Variants in ALG8 observed in about 807,000 individuals in gnomAD.
ALG8 encodes the protein dolichyl pyrophosphate Glc1Man9GlcNAc2 alpha-1,3-glucosyltransferase.
ALG8 carries 48 observed loss-of-function variants against 70.2 expected under a neutral mutation model. That is an observed-to-expected ratio of 0.68 (90% CI 0.54 to 0.87). ALG8 has a LOEUF of 0.87. Among genes scored for constraint, ALG8 ranks in the 40% least tolerant of loss-of-function variants. ALG8 has a pLI of 0.00. For synonymous variants in ALG8, 234 were observed against 229.0 expected (o/e 1.02, Z -0.20); for missense variants, 572 against 608.7 (o/e 0.94, Z 0.64).
chr11:78,103,832 G>C (rs992237882), intron 12 of ALG8, 148 bp downstream of exon 12: 5 of 520,150 alleles, frequency 9.6e-6, no homozygotes, highest in Non-Finnish European at 1.7e-5. Flanking sequence ...ATGGGATTGA[G>C]TGATTTCTCC....
intron 6 of ALG8, 59 bp from the exon 7 acceptor site, chr11:78,114,048 C>G (rs1346928366): frequency 1.8e-5 from 26 of 1,474,416 alleles, no homozygotes; most frequent in Non-Finnish European, 2.4e-5. Flanking sequence ...TAACCATAAC[C>G]TATATCATGT....
intron 1 of ALG8, among the ~76,000 whole-genome samples, chr11:78,132,859 T>C (rs1020126610): frequency 1.2e-4 from 16 of 135,514 alleles, no homozygotes; most frequent in African/African-American, 4.5e-4. Context: ...TTTTTTTAGA[T>C]GGAGTCTCAC....
At chr11:78,131,991 G>A (rs745822528) in intron 1 of ALG8, among the ~76,000 whole-genome samples, 2 of 152,098 alleles carry the variant, frequency 1.3e-5, no homozygotes, top group African/African-American at 4.8e-5. Flanking sequence ...AGATATTTTT[G>A]GATCTCGCTT....
chr11:78,132,981 C>T (rs1194049250), intron 1 of ALG8, among the ~76,000 whole-genome samples: 8 of 151,950 alleles, frequency 5.3e-5, no homozygotes, highest in South Asian at 2.1e-4. Flanking sequence ...GGACTACACG[C>T]GCCCACCACC....
intron 8 of ALG8, among the ~76,000 whole-genome samples, chr11:78,110,258 C>T (rs1246196621): frequency 6.6e-6 from 1 of 152,144 alleles, no homozygotes; most frequent in Admixed American, 6.5e-5. Context: ...AATCTCAGCT[C>T]ACTGCAGCCT....
At chr11:78,134,569 C>G (rs11237406) in intron 1 of ALG8, among the ~76,000 whole-genome samples, 1 of 152,202 alleles carries the variant, frequency 6.6e-6, no homozygotes, top group Non-Finnish European at 1.5e-5. Context: ...ACTTTCAAAA[C>G]TAGAGTCAAT....
intron 1 of ALG8, among the ~76,000 whole-genome samples, chr11:78,138,011 C>A (rs569708728): frequency 1.3e-5 from 2 of 152,044 alleles, no homozygotes; most frequent in Admixed American, 6.6e-5. Context: ...CCAAAGTGAG[C>A]GCTATATACA....
chr11:78,109,405 A>G (rs186150624), intron 9 of ALG8, 37 bp downstream of exon 9: 1 of 1,613,736 alleles, frequency 6.2e-7, no homozygotes, highest in Non-Finnish European at 8.5e-7. Flanking sequence ...AAAGCAGAGA[A>G]AACTCAAGAA....
intron 1 of ALG8, among the ~76,000 whole-genome samples, chr11:78,132,437 AT>A (rs1412373687): frequency 6.6e-6 from 1 of 152,294 alleles, no homozygotes; most frequent in East Asian, 1.9e-4. Context: ...GCCAAAAAAT[AT>A]TTTATAAATG....
intron 5 of ALG8, among the ~76,000 whole-genome samples, chr11:78,117,274 G>C (rs914250720): frequency 1.3e-5 from 2 of 152,134 alleles, no homozygotes; most frequent in Non-Finnish European, 2.9e-5. Flanking sequence ...ATTCCTTAGA[G>C]AGTCTTAAGC....
chr11:78,135,869 A>AAAAG lies in ALG8; in HGVS notation c.95+3624_95+3625insCTTT, dbSNP rs201285131. On this transcript the variant is annotated intron_variant, in intron 1 of 12. Coordinates refer to ENST00000299626, the MANE Select transcript of ALG8 (RefSeq NM_024079.5). Reference sequence around the variant, plus strand: ...TCTCAAACATAAATAAATAAGAAAAAAAAAAAAGAAAAATAATGGGTGGGT... The same window carrying AAAAG: ...TCTCAAACATAAATAAATAAGAAAAAAAAGAAAAAAAGAAAAATAATGGGTGGGT... Among the ~76,000 whole-genome samples, 1,024 of 150,908 alleles carry AAAAG rather than the reference A, an allele frequency of 6.8e-3. 14 individuals are homozygous for AAAAG. The highest frequency in any genetic ancestry group is 0.024 in the African/African-American group (989 of 41,042).
chr11:78,132,650 T>C (rs1450099023), intron 1 of ALG8, among the ~76,000 whole-genome samples: 1 of 151,196 alleles, frequency 6.6e-6, no homozygotes, highest in African/African-American at 2.4e-5. Flanking sequence ...CCTATATTTA[T>C]ACAGTGTGCT....
intron 5 of ALG8, among the ~76,000 whole-genome samples, chr11:78,115,458 C>T (rs1424646708): frequency 6.6e-6 from 1 of 151,974 alleles, no homozygotes; most frequent in Non-Finnish European, 1.5e-5. Flanking sequence ...GTCTCGTTTA[C>T]TGCAACCTCC....
In ALG8 at chr11:78,104,081, A is replaced by G; in HGVS notation, c.1277-29T>C. 7.4e-7 allele frequency: 1 copy of G among 1,346,634 alleles called. No individual in the cohort carries two copies. The highest frequency in any genetic ancestry group is 1.1e-6 in the Non-Finnish European group (1 of 945,042). 83.4% of individuals were successfully genotyped at this position (1,346,634 alleles called of 1,614,324 possible). A position where few individuals can be genotyped will look rare whatever the true frequency, so the allele number is the denominator to read the frequency against. On this transcript the variant is annotated intron_variant, in intron 11 of 12. Transcript: ENST00000299626. ...TTAAAAGAATAGAAAAAAAAAGATAATTTAGCTGATGACAGAAAGACTTAT... is the reference window on the plus strand; with the variant it reads ...TTAAAAGAATAGAAAAAAAAAGATAGTTTAGCTGATGACAGAAAGACTTAT...
At chr11:78,103,858 T>A (rs1220361790) in intron 12 of ALG8, 122 bp downstream of exon 12, 2 of 561,590 alleles carry the variant, frequency 3.6e-6, no homozygotes, top group Admixed American at 3.4e-5. Flanking sequence ...TTTACCAATT[T>A]TTTTTGTAAT....
chr11:78,137,992 C>G (rs1337784557), intron 1 of ALG8, among the ~76,000 whole-genome samples: 1 of 152,160 alleles, frequency 6.6e-6, no homozygotes. Flanking sequence ...TATTCCTGTA[C>G]ATGTGCTGCC....
chr11:78,114,129 G>C, intron 6 of ALG8, 137 bp downstream of exon 6: 1 of 1,413,370 alleles, frequency 7.1e-7, no homozygotes, highest in Non-Finnish European at 9.8e-7. Context: ...AGAAAAGCGA[G>C]AATGGGTAAA....
chr11:78,113,611 G>A (rs1429085539), intron 7 of ALG8, among the ~76,000 whole-genome samples: 2 of 151,632 alleles, frequency 1.3e-5, no homozygotes, highest in Admixed American at 6.6e-5. Context: ...TACTCAGGAG[G>A]CTGAGACAGG....
At chr11:78,120,552 G>A (rs142408627) in intron 4 of ALG8, among the ~76,000 whole-genome samples, 2 of 152,256 alleles carry the variant, frequency 1.3e-5, no homozygotes, top group East Asian at 3.9e-4. Flanking sequence ...GAGGCTGGGT[G>A]CTTTCCTCCA....
Sources: allele counts gnomAD v4.1 joint callset (sites outside exome capture counted in the v4.1 genomes callset), GRCh38; gene constraint gnomAD v4.1.1; transcripts MANE v1.5; gene names NCBI Gene and HGNC (gene_info 2026-07-23, HGNC 2026-07-21).